The following SHISA6 variants were observed in gnomAD, a reference collection of about 807,000 sequenced individuals.
SHISA6 encodes the protein protein shisa-6.
A neutral mutation model predicts 47.9 loss-of-function variants in SHISA6; 22 were observed. That is an observed-to-expected ratio of 0.46 (90% CI 0.33 to 0.66). SHISA6 has a LOEUF of 0.66. SHISA6 is among the 30% of genes least tolerant of loss of function. The pLI, the probability that SHISA6 is intolerant of heterozygous loss-of-function variation, is 0.02. For synonymous variants in SHISA6, 388 were observed against 337.8 expected, an observed-to-expected ratio of 1.15 and a Z score of -1.63; for missense variants, 680 against 764.6, an observed-to-expected ratio of 0.89 and a Z score of 1.30.
At chr17:11,274,248 G>A (rs562467961) in intron 2 of SHISA6, among the ~76,000 whole-genome samples, 1 of 152,184 alleles carries the variant, frequency 6.6e-6, no homozygotes, top group Non-Finnish European at 1.5e-5. Flanking sequence ...CACGGAGCTG[G>A]CTCACTAATC....
intron 3 of SHISA6, among the ~76,000 whole-genome samples, chr17:11,382,978 C>A (rs1913070785): frequency 8.6e-6 from 1 of 116,390 alleles, no homozygotes; most frequent in African/African-American, 3.2e-5. Context: ...ACTCTGCCAC[C>A]TAAGGCTGGA....
intron 3 of SHISA6, among the ~76,000 whole-genome samples, chr17:11,536,897 A>G (rs975213034): frequency 2.6e-4 from 40 of 152,190 alleles, no homozygotes; most frequent in Admixed American, 2.0e-3. Flanking sequence ...TGTCTTTTGT[A>G]GTAATTACAA....
At chr17:11,481,366 G>GTATATATATATATATATA (rs768989352) in intron 3 of SHISA6, among the ~76,000 whole-genome samples, 1 of 110,276 alleles carries the variant, frequency 9.1e-6, no homozygotes, top group Admixed American at 9.8e-5. Flanking sequence ...GTGTGTGTGT[G>GTATATATATATATATATA]TATATATATA....
intron 3 of SHISA6, among the ~76,000 whole-genome samples, chr17:11,392,555 C>T (rs1372798288): frequency 6.6e-6 from 1 of 152,312 alleles, no homozygotes; most frequent in East Asian, 1.9e-4. Flanking sequence ...CACACCTAGA[C>T]CCCGCTTTGC....
intron 2 of SHISA6, among the ~76,000 whole-genome samples, chr17:11,302,020 C>A (rs1217910888): frequency 6.6e-6 from 1 of 152,094 alleles, no homozygotes; most frequent in African/African-American, 2.4e-5. Context: ...AAAACGGAAA[C>A]CCCTGATAAA....
At chr17:11,388,815 TATATATATATATATATA>T (rs1567592123) in intron 3 of SHISA6, among the ~76,000 whole-genome samples, 8 of 102,474 alleles carry the variant, frequency 7.8e-5, no homozygotes, top group African/African-American at 2.9e-4. Flanking sequence ...TATATATATA[TATATATATATATATATA>T]TATATATATT....
chr17:11,557,679 G>A lies in SHISA6; in HGVS notation c.1106-75G>A, dbSNP rs532381709. 90 of 1,389,096 alleles carry A rather than the reference G, an allele frequency of 6.5e-5. 1 individual carries two copies. Among genetic ancestry groups the A allele is most frequent in the Admixed American group, 1.0e-4 (4 of 38,352 alleles). 86.0% of individuals were successfully genotyped at this position (1,389,096 alleles called of 1,614,324 possible). On this transcript the variant is annotated intron_variant, in intron 5 of 5. Transcript: ENST00000441885. ...GACAGGTCTGTGATGGAGCAGGAGCGGGGCAGGGTTCTATCTGAGTCCTGG... is the reference window on the plus strand; with the variant it reads ...GACAGGTCTGTGATGGAGCAGGAGCAGGGCAGGGTTCTATCTGAGTCCTGG...
At chr17:11,497,051 A>ATG (rs2071415168) in intron 3 of SHISA6, among the ~76,000 whole-genome samples, 1 of 152,246 alleles carries the variant, frequency 6.6e-6, no homozygotes, top group Non-Finnish European at 1.5e-5. Context: ...ACACTGAGCT[A>ATG]CACACTGTAG....
chr17:11,378,790 G>A (rs904725067), intron 2 of SHISA6, among the ~76,000 whole-genome samples: 2 of 152,162 alleles, frequency 1.3e-5, no homozygotes, highest in Non-Finnish European at 2.9e-5. Flanking sequence ...TCAGTATTTT[G>A]TAACCACCAT....
At chr17:11,270,690 A>G (rs1908607100) in intron 2 of SHISA6, among the ~76,000 whole-genome samples, 1 of 152,202 alleles carries the variant, frequency 6.6e-6, no homozygotes, top group Non-Finnish European at 1.5e-5. Flanking sequence ...TGTTTCCATA[A>G]AATGTCATTT....
chr17:11,242,016 C>T lies in SHISA6; in HGVS notation c.594C>T (p.Ser198=). Residue 198 remains serine (S), a synonymous_variant, in exon 1 of 6, where the codon TCC becomes TCT. Coordinates refer to ENST00000441885, the MANE Select transcript of SHISA6 (RefSeq NM_207386.4). ...VIVAGVFAKV[S]YDKAHRPPRE... ...TGGCCGGCGTCTTCGCCAAGGTCTC[C>T]TACGACAAGGCCCACCGCCCTCCAC... is the stretch of plus-strand genomic sequence containing the variant. 1.3e-6 allele frequency: 2 copies of T among 1,551,054 alleles called. No individual in the cohort carries two copies. Among genetic ancestry groups the T allele is most frequent in the Non-Finnish European group, 8.7e-7 (1 of 1,147,000 alleles).
At chr17:11,497,858 A>G (rs890038550) in intron 3 of SHISA6, among the ~76,000 whole-genome samples, 1 of 152,066 alleles carries the variant, frequency 6.6e-6, no homozygotes, top group African/African-American at 2.4e-5. Context: ...AGAGCACTCC[A>G]TTTGAGTTGT....
rs192182331 is a variant in SHISA6, at chr17:11,533,235, C to T, written c.896-18661C>T. Among the ~76,000 whole-genome samples, 378 of 152,276 alleles carry T rather than the reference C, an allele frequency of 2.5e-3. 3 individuals carry two copies. Among genetic ancestry groups the T allele is most frequent in the African/African-American group, 7.3e-3 (302 of 41,552 alleles). ...GAGCTGATTCAGCTGCCGTTACCTC[C>T]CACTTGCATTTCTATAGTAGCTTGT... On this transcript the variant is annotated intron_variant, in intron 3 of 5. Transcript: ENST00000441885.
At chr17:11,520,357 T>C (rs1461522707) in intron 3 of SHISA6, among the ~76,000 whole-genome samples, 1 of 152,188 alleles carries the variant, frequency 6.6e-6, no homozygotes, top group Admixed American at 6.5e-5. Context: ...ATATAATGCA[T>C]TAGTAAATCC....
intron 3 of SHISA6, among the ~76,000 whole-genome samples, chr17:11,535,306 T>A (rs2071777650): frequency 1.3e-5 from 2 of 152,262 alleles, no homozygotes; most frequent in South Asian, 4.2e-4. Context: ...GCCCAACTCC[T>A]GGTCTTGTGT....
chr17:11,411,301 A>T (rs1439633915), intron 3 of SHISA6, among the ~76,000 whole-genome samples: 1 of 151,530 alleles, frequency 6.6e-6, no homozygotes, highest in Non-Finnish European at 1.5e-5. Context: ...CCCACTCTTG[A>T]TCTCTCTCTC....
intron 3 of SHISA6, among the ~76,000 whole-genome samples, chr17:11,388,104 A>G (rs1252284021): frequency 1.3e-5 from 2 of 152,200 alleles, no homozygotes; most frequent in African/African-American, 4.8e-5. Flanking sequence ...GGATTGTGGC[A>G]AGGAGATGTC....
intron 3 of SHISA6, among the ~76,000 whole-genome samples, chr17:11,503,209 A>G (rs559428479): frequency 3.3e-5 from 5 of 152,180 alleles, no homozygotes; most frequent in Admixed American, 6.5e-5. Context: ...CTGATTGCAG[A>G]GCCAGGAATA....
chr17:11,305,755 A>G (rs1910089319), intron 2 of SHISA6, among the ~76,000 whole-genome samples: 1 of 152,130 alleles, frequency 6.6e-6, no homozygotes, highest in Non-Finnish European at 1.5e-5. Flanking sequence ...TGGAGGAGAC[A>G]GGCCCACCCT....
Sources: gnomAD v4.1 joint callset for allele counts (sites outside exome capture counted in the v4.1 genomes callset) on GRCh38, gnomAD v4.1.1 for gene constraint, MANE v1.5 for transcripts, NCBI Gene and HGNC (gene_info 2026-07-23, HGNC 2026-07-21) for gene names.